The following DMD variants were observed in gnomAD, a reference collection of about 807,000 sequenced individuals.
The protein encoded by DMD is mutant dystrophin.
Under a neutral mutation model 330.1 loss-of-function variants are expected in DMD, and 63 were observed. The ratio of observed to expected loss-of-function variants is 0.19; its 90% confidence interval spans 0.16 to 0.24. DMD has a LOEUF of 0.24. Ranked by LOEUF, DMD falls within the 10% of genes least tolerant of loss-of-function variation. The probability of loss-of-function intolerance (pLI) is 1.00; values close to 1 mark genes in which losing one functional copy is unlikely to be tolerated. For synonymous variants in DMD, 1,223 were observed against 959.8 expected (o/e 1.27, Z -5.07); for missense variants, 3,344 against 2,684.1 (o/e 1.25, Z -5.43).
At chrX:32,451,910 A>C (rs761921566) in intron 26 of DMD, among the ~76,000 whole-genome samples, 1 of 110,651 alleles carries the variant, frequency 9.0e-6, no homozygotes, top group Admixed American at 9.6e-5. Context: ...TATCACCCCC[A>C]TACTAAACCA....
At chrX:32,146,176 C>A (rs73219226) in intron 44 of DMD, among the ~76,000 whole-genome samples, 7,759 of 111,828 alleles carry the variant, frequency 0.069, 258 homozygotes, top group Admixed American at 0.15. Flanking sequence ...TTTTTATTCA[C>A]AATGTGGTCT....
chrX:31,727,627 T>C (rs946706681), intron 52 of DMD, among the ~76,000 whole-genome samples: 2 of 112,131 alleles, frequency 1.8e-5, no homozygotes, highest in South Asian at 3.7e-4. Flanking sequence ...AATGACTTCA[T>C]AGAGGGCTGC....
At chrX:32,112,003 C>T (rs760560329) in intron 44 of DMD, among the ~76,000 whole-genome samples, 2 of 111,957 alleles carry the variant, frequency 1.8e-5, no homozygotes, top group South Asian at 7.4e-4. Flanking sequence ...ATTTCAGATA[C>T]CTCAAGGGCA....
chrX:32,095,696 C>T (rs1018804644), intron 44 of DMD, among the ~76,000 whole-genome samples: 2 of 111,770 alleles, frequency 1.8e-5, no homozygotes, highest in African/African-American at 6.5e-5. Context: ...AAATGTCAAT[C>T]TTGCATTTTA....
At chrX:31,820,187 A>G in intron 49 of DMD, 104 bp from the exon 50 acceptor site, 1 of 690,942 alleles carries the variant, frequency 1.4e-6, no homozygotes, top group Non-Finnish European at 2.2e-6. Flanking sequence ...TTTCTATTAT[A>G]TTTTACTTCT....
intron 4 of DMD, among the ~76,000 whole-genome samples, chrX:32,831,715 TGAGA>T (rs1378267090): frequency 5.7e-5 from 6 of 106,111 alleles, no homozygotes; most frequent in Non-Finnish European, 9.8e-5. Flanking sequence ...GGTTTGTGTA[TGAGA>T]GAGAGAAAAA....
At chrX:32,208,451 T>C (rs769331383) in intron 44 of DMD, among the ~76,000 whole-genome samples, 18 of 111,698 alleles carry the variant, frequency 1.6e-4, no homozygotes, top group Non-Finnish European at 3.0e-4. Context: ...ACAGTAAGTA[T>C]CCATTAGAGT....
intron 51 of DMD, among the ~76,000 whole-genome samples, chrX:31,753,093 C>T (rs2088735171): frequency 9.0e-6 from 1 of 111,041 alleles, no homozygotes; most frequent in South Asian, 3.8e-4. Flanking sequence ...CAGGAACACA[C>T]AGTGGGTGGC....
intron 47 of DMD, among the ~76,000 whole-genome samples, chrX:31,904,264 A>T (rs2094454010): frequency 8.9e-6 from 1 of 111,902 alleles, no homozygotes; most frequent in African/African-American, 3.2e-5. Flanking sequence ...CAAAAAAATT[A>T]GGTTTGGAGA....
intron 1 of DMD, among the ~76,000 whole-genome samples, chrX:33,028,543 T>C (rs1284990994): frequency 8.9e-6 from 1 of 112,038 alleles, no homozygotes; most frequent in Middle Eastern, 4.2e-3. Context: ...TCTGCCTTAG[T>C]CACACAAGCC....
At chrX:31,787,075 T>C (rs1208490864) in intron 50 of DMD, among the ~76,000 whole-genome samples, 1 of 112,275 alleles carries the variant, frequency 8.9e-6, no homozygotes, top group Non-Finnish European at 1.9e-5. Flanking sequence ...TAGAATATTT[T>C]TTAAAGTTAA....
intron 26 of DMD, 50 bp from the exon 27 acceptor site, chrX:32,448,688 C>A (rs2098315535): frequency 1.9e-6 from 2 of 1,056,133 alleles, no homozygotes; most frequent in Non-Finnish European, 2.6e-6. Flanking sequence ...ACTTTACATC[C>A]AAAATGCATT....
intron 45 of DMD, among the ~76,000 whole-genome samples, chrX:31,941,985 G>A (rs772946966): frequency 1.8e-5 from 2 of 111,733 alleles, no homozygotes; most frequent in South Asian, 7.5e-4. Context: ...GTGCTGCGAC[G>A]AACATGTGAG....
chrX:33,298,877 G>A (rs750110705), intron 1 of DMD, among the ~76,000 whole-genome samples: 1 of 111,518 alleles, frequency 9.0e-6, no homozygotes, highest in African/African-American at 3.3e-5. Flanking sequence ...CATTGATCCG[G>A]CATGTCACAC....
intron 1 of DMD, among the ~76,000 whole-genome samples, chrX:33,156,099 T>G (rs1385662862): frequency 1.8e-5 from 2 of 111,808 alleles, no homozygotes; most frequent in Non-Finnish European, 3.8e-5. Flanking sequence ...TTTTCACTTT[T>G]TTTAAATAGA....
chrX:31,252,698 C>T (rs1300266768), intron 63 of DMD, among the ~76,000 whole-genome samples: 2 of 111,637 alleles, frequency 1.8e-5, no homozygotes, highest in Non-Finnish European at 3.8e-5. Context: ...AAGTGCTACA[C>T]AAATAAAGTA....
At chrX:31,763,570 C>CAAAACA (rs1376574948) in intron 51 of DMD, among the ~76,000 whole-genome samples, 55 of 108,665 alleles carry the variant, frequency 5.1e-4, no homozygotes, top group Admixed American at 2.9e-4. Flanking sequence ...CTCAAAAAAA[C>CAAAACA]AAAACAAAAA....
chrX:32,808,178 G>A (rs1288802298), intron 7 of DMD, among the ~76,000 whole-genome samples: 7 of 111,500 alleles, frequency 6.3e-5, no homozygotes, highest in African/African-American at 2.3e-4. Context: ...AGGGGTAGGA[G>A]GGATACTATC....
intron 1 of DMD, among the ~76,000 whole-genome samples, chrX:33,053,332 A>T (rs1352851334): frequency 9.0e-6 from 1 of 111,529 alleles, no homozygotes; most frequent in African/African-American, 3.3e-5. Flanking sequence ...GCGGTGGCTC[A>T]TGCCTGTAAT....
Sources: allele counts gnomAD v4.1 joint callset (sites outside exome capture counted in the v4.1 genomes callset), GRCh38; gene constraint gnomAD v4.1.1; transcripts MANE v1.5; gene names NCBI Gene and HGNC (gene_info 2026-07-23, HGNC 2026-07-21).